The following CALN1 variants were observed in gnomAD, a reference collection of about 807,000 sequenced individuals.
CALN1 encodes calneuron 1.
A neutral mutation model predicts 30.6 loss-of-function variants in CALN1; 17 were observed. That is an observed-to-expected ratio of 0.56 (90% CI 0.38 to 0.83). CALN1 has a LOEUF of 0.83. Ranked by LOEUF, CALN1 falls within the 40% of genes least tolerant of loss-of-function variation. CALN1 has a pLI of 0.00. For synonymous variants in CALN1, 156 were observed against 131.4 expected (o/e 1.19, Z -1.28); for missense variants, 291 against 354.9 (o/e 0.82, Z 1.45).
intron 5 of CALN1, among the ~76,000 whole-genome samples, chr7:71,988,942 G>T (rs537242130): frequency 2.0e-4 from 30 of 152,142 alleles, no homozygotes; most frequent in Non-Finnish European, 2.1e-4. Flanking sequence ...CAGGCTCACA[G>T]TCCCACAGCA....
intron 5 of CALN1, among the ~76,000 whole-genome samples, chr7:72,000,882 G>A (rs901088292): frequency 6.6e-6 from 1 of 152,232 alleles, no homozygotes; most frequent in Admixed American, 6.5e-5. Context: ...AGCAGGGCCG[G>A]AGAGGGTTCC....
At chr7:72,408,023 C>T (rs1234871890) in intron 1 of CALN1, among the ~76,000 whole-genome samples, 2 of 152,138 alleles carry the variant, frequency 1.3e-5, no homozygotes, top group Admixed American at 1.3e-4. Context: ...CAAATATGCA[C>T]TGTATGGCAT....
intron 5 of CALN1, among the ~76,000 whole-genome samples, chr7:71,937,551 T>G (rs1432353572): frequency 1.3e-5 from 2 of 152,166 alleles, no homozygotes; most frequent in African/African-American, 4.8e-5. Flanking sequence ...CAATCATAGC[T>G]CACTGAAGCC....
chr7:72,220,302 T>C (rs1273943437), intron 3 of CALN1, among the ~76,000 whole-genome samples: 3 of 151,432 alleles, frequency 2.0e-5, no homozygotes, highest in African/African-American at 7.3e-5. Context: ...TTTGGTTTTT[T>C]GTCCTTGCGA....
At chr7:72,209,461 C>T (rs979613886) in intron 3 of CALN1, among the ~76,000 whole-genome samples, 1 of 143,454 alleles carries the variant, frequency 7.0e-6, no homozygotes, top group Non-Finnish European at 1.5e-5. Flanking sequence ...TACATCCTTT[C>T]TTCCTCCCTT....
intron 3 of CALN1, among the ~76,000 whole-genome samples, chr7:72,138,736 C>T (rs969966032): frequency 6.6e-6 from 1 of 152,158 alleles, no homozygotes; most frequent in Non-Finnish European, 1.5e-5. Flanking sequence ...CCTGATAAAA[C>T]AGCACATGAA....
At chr7:71,910,998 G>A (rs1201440553) in intron 5 of CALN1, among the ~76,000 whole-genome samples, 2 of 152,154 alleles carry the variant, frequency 1.3e-5, no homozygotes, top group Non-Finnish European at 2.9e-5. Flanking sequence ...TGTAGGGGGA[G>A]GTAGGAAAAT....
At chr7:72,110,825 T>G (rs1249126797) in intron 3 of CALN1, among the ~76,000 whole-genome samples, 1 of 152,086 alleles carries the variant, frequency 6.6e-6, no homozygotes, top group Non-Finnish European at 1.5e-5. Context: ...ATGTGATGTG[T>G]GCCTCATTTT....
intron 5 of CALN1, among the ~76,000 whole-genome samples, chr7:71,960,066 G>A (rs1022982582): frequency 3.3e-5 from 5 of 151,310 alleles, no homozygotes; most frequent in Non-Finnish European, 7.4e-5. Context: ...CCAGGAGGTG[G>A]TGGTTGCAGT....
intron 5 of CALN1, among the ~76,000 whole-genome samples, chr7:72,003,564 T>C (rs1188225810): frequency 6.6e-6 from 1 of 152,154 alleles, no homozygotes; most frequent in Non-Finnish European, 1.5e-5. Flanking sequence ...GCAGTAGCAT[T>C]AGATTCTCAT....
At chr7:72,174,474 A>C (rs894648617) in intron 3 of CALN1, among the ~76,000 whole-genome samples, 1 of 152,196 alleles carries the variant, frequency 6.6e-6, no homozygotes, top group Non-Finnish European at 1.5e-5. Context: ...ACTATTACTT[A>C]TAATAGTCAA....
the CALN1 span, among the ~76,000 whole-genome samples, chr7:72,473,443 C>T: frequency 6.6e-6 from 1 of 152,166 alleles, no homozygotes; most frequent in African/African-American, 2.4e-5. Flanking sequence ...TCCAGTCTTT[C>T]CAGTTCCATA....
chr7:71,888,418 C>T (rs1005270264), intron 5 of CALN1, among the ~76,000 whole-genome samples: 6 of 142,522 alleles, frequency 4.2e-5, no homozygotes, highest in African/African-American at 1.6e-4. Flanking sequence ...ATTGTATCTC[C>T]ATGAAGCCAT....
intron 3 of CALN1, among the ~76,000 whole-genome samples, chr7:72,203,432 A>G (rs546454350): frequency 6.6e-6 from 1 of 152,280 alleles, no homozygotes; most frequent in South Asian, 2.1e-4. Flanking sequence ...TTTTCCTTGA[A>G]AAATTTAGTT....
chr7:72,386,656 G>C (rs1329504017), intron 2 of CALN1, among the ~76,000 whole-genome samples: 1 of 152,056 alleles, frequency 6.6e-6, no homozygotes. Context: ...GTTTTTTAGA[G>C]ATGGGTTATC....
chr7:71,846,857 T>C (rs1477524945), intron 5 of CALN1, among the ~76,000 whole-genome samples: 2 of 137,438 alleles, frequency 1.5e-5, no homozygotes, highest in Admixed American at 7.2e-5. Flanking sequence ...TATATATGTA[T>C]ATATGTATGT....
chr7:72,118,351 A>G (rs1808141454), intron 3 of CALN1, among the ~76,000 whole-genome samples: 1 of 152,250 alleles, frequency 6.6e-6, no homozygotes, highest in Non-Finnish European at 1.5e-5. Context: ...TCATACTGAA[A>G]GCAGAGCATT....
chr7:72,463,073 G>T, the CALN1 span, among the ~76,000 whole-genome samples: 2 of 152,176 alleles, frequency 1.3e-5, no homozygotes, highest in Non-Finnish European at 2.9e-5. Context: ...CATTTTTCAG[G>T]TGTGGACACT....
intron 2 of CALN1, among the ~76,000 whole-genome samples, chr7:72,343,797 A>C (rs1174839489): frequency 6.6e-6 from 1 of 152,180 alleles, no homozygotes; most frequent in Non-Finnish European, 1.5e-5. Flanking sequence ...GCTGGGTTAG[A>C]AAGGACTACT....
Sources: allele counts gnomAD v4.1 joint callset (sites outside exome capture counted in the v4.1 genomes callset), GRCh38; gene constraint gnomAD v4.1.1; transcripts MANE v1.5; gene names NCBI Gene and HGNC (gene_info 2026-07-23, HGNC 2026-07-21).